MMS22L: variants seen among roughly 807,000 people sequenced by gnomAD.
MMS22L encodes the protein MMS22 like, DNA repair protein, also known as protein MMS22-like.
MMS22L carries 74 observed loss-of-function variants against 159.1 expected under a neutral mutation model. The ratio of observed to expected loss-of-function variants is 0.47; its 90% confidence interval spans 0.39 to 0.56. The LOEUF (loss-of-function observed/expected upper bound fraction) is 0.56, where lower values mean the gene tolerates loss of function less well. MMS22L is among the 20% of genes least tolerant of loss of function. The pLI, the probability that MMS22L is intolerant of heterozygous loss-of-function variation, is 0.00. For synonymous variants in MMS22L, 517 were observed against 506.9 expected (o/e 1.02, Z -0.27); for missense variants, 1,351 against 1,422.1 (o/e 0.95, Z 0.80).
intron 14 of MMS22L, among the ~76,000 whole-genome samples, chr6:97,219,845 A>T (rs1371801023): frequency 1.3e-5 from 2 of 152,126 alleles, no homozygotes; most frequent in Non-Finnish European, 2.9e-5. Context: ...CCCATATATG[A>T]TGCTCTTTAA....
intron 13 of MMS22L, 44 bp from the exon 14 acceptor site, chr6:97,229,447 C>T: frequency 7.3e-7 from 1 of 1,363,140 alleles, no homozygotes; most frequent in Non-Finnish European, 9.8e-7. Context: ...GTTTCATTCA[C>T]AAAAATCTGT....
intron 14 of MMS22L, among the ~76,000 whole-genome samples, chr6:97,198,325 C>T (rs1266767980): frequency 6.6e-6 from 1 of 152,124 alleles, no homozygotes; most frequent in African/African-American, 2.4e-5. Flanking sequence ...GTTCTAGTCT[C>T]GGCCTTTAGT....
intron 19 of MMS22L, among the ~76,000 whole-genome samples, chr6:97,171,623 T>C (rs1001769740): frequency 1.7e-4 from 26 of 152,198 alleles, no homozygotes; most frequent in African/African-American, 5.5e-4. Context: ...ACAGATGCCT[T>C]CTCCTTAATA....
chr6:97,163,722 T>C (rs1802679596), intron 21 of MMS22L, among the ~76,000 whole-genome samples: 1 of 151,958 alleles, frequency 6.6e-6, no homozygotes, highest in Non-Finnish European at 1.5e-5. Flanking sequence ...GCATATGATT[T>C]CAAAAAAGGA....
intron 14 of MMS22L, among the ~76,000 whole-genome samples, chr6:97,196,413 T>A (rs919109121): frequency 5.9e-5 from 9 of 152,194 alleles, no homozygotes; most frequent in Admixed American, 5.9e-4. Flanking sequence ...CAGTGTGGTA[T>A]TACTAGTAGA....
At chr6:97,192,164 A>AGACG (rs1562441047) in intron 14 of MMS22L, among the ~76,000 whole-genome samples, 1 of 133,430 alleles carries the variant, frequency 7.5e-6, no homozygotes, top group African/African-American at 3.1e-5. Context: ...AGTAGGTGGT[A>AGACG]GACGGATGGA....
intron 8 of MMS22L, chr6:97,266,424 T>C (rs999354526): frequency 1.3e-5 from 2 of 152,220 alleles, no homozygotes; most frequent in African/African-American, 4.8e-5. Flanking sequence ...AAATTGTCCA[T>C]CAACAGATGA....
intron 4 of MMS22L, among the ~76,000 whole-genome samples, chr6:97,273,782 A>G (rs1429731696): frequency 6.6e-6 from 1 of 152,144 alleles, no homozygotes; most frequent in Non-Finnish European, 1.5e-5. Context: ...ATACATTGAA[A>G]CTATCCATTT....
At chr6:97,255,134 G>A (rs73494500) in intron 9 of MMS22L, among the ~76,000 whole-genome samples, 12,866 of 151,920 alleles carry the variant, frequency 0.085, 1,020 homozygotes, top group African/African-American at 0.21. Context: ...TCAATGCTGC[G>A]TTTCTGATGA....
At chr6:97,226,752 A>G (rs1251847038) in intron 14 of MMS22L, among the ~76,000 whole-genome samples, 1 of 152,128 alleles carries the variant, frequency 6.6e-6, no homozygotes, top group Non-Finnish European at 1.5e-5. Flanking sequence ...GGTTCTATAG[A>G]AACAATTTTA....
chr6:97,245,974 C>A, intron 11 of MMS22L: 4 of 226,398 alleles, frequency 1.8e-5, no homozygotes, highest in Admixed American at 5.4e-5. Context: ...AAAATATTTC[C>A]CAAATTCCAA....
chr6:97,165,275 A>G lies in MMS22L; in HGVS notation c.3192T>C (p.Ser1064=), dbSNP rs1562406223. The change falls in exon 21 of 25, where the codon TCT becomes TCC. Residue 1064 remains serine, a synonymous_variant. Coordinates refer to ENST00000683635, the MANE Select transcript of MMS22L (RefSeq NM_001350599.2). ...RNTATIPPIS[S]LKKCIVQVIR... ...TGACTTGCACAATGCATTTCTTTAG[A>G]GATGATATTGGTGGAATAGTGGCTG... 1 of 1,613,174 alleles carries G rather than the reference A, an allele frequency of 6.2e-7. No homozygotes were observed.
chr6:97,188,453 A>T (rs1805482484), intron 14 of MMS22L, among the ~76,000 whole-genome samples: 1 of 152,224 alleles, frequency 6.6e-6, no homozygotes, highest in Non-Finnish European at 1.5e-5. Context: ...AAATCGGAAC[A>T]ACTCTATGAG....
intron 11 of MMS22L, among the ~76,000 whole-genome samples, chr6:97,234,394 T>C (rs1811181503): frequency 2.0e-5 from 3 of 152,180 alleles, no homozygotes; most frequent in African/African-American, 7.2e-5. Flanking sequence ...TATAGGATTA[T>C]AGGAGTTGTT....
intron 22 of MMS22L, among the ~76,000 whole-genome samples, chr6:97,158,167 C>A (rs1488065530): frequency 3.3e-5 from 5 of 151,952 alleles, no homozygotes; most frequent in Admixed American, 3.3e-4. Context: ...GTGGTGATAA[C>A]CCCTTTATCA....
At chr6:97,237,713 C>G (rs1811566451) in intron 11 of MMS22L, among the ~76,000 whole-genome samples, 1 of 152,040 alleles carries the variant, frequency 6.6e-6, no homozygotes, top group Non-Finnish European at 1.5e-5. Context: ...TAGGGAAAGA[C>G]ATTTAGCTTC....
At chr6:97,270,054 G>T in intron 6 of MMS22L, 62 bp from the exon 7 acceptor site, 1 of 1,292,554 alleles carries the variant, frequency 7.7e-7, no homozygotes, top group Non-Finnish European at 1.1e-6. Context: ...GTATTTCATA[G>T]CATGTCACAA....
At position 97,144,105 on chromosome 6, in the gene MMS22L, C is replaced by CAAAA. The variant is rs34856577; in HGVS notation, c.*2697_*2700dup. 5.4e-4 allele frequency: 47 copies of CAAAA among 87,166 alleles called. No homozygotes were observed. The highest frequency in any genetic ancestry group is 8.0e-4 in the East Asian group (2 of 2,496). 5.4% of individuals were successfully genotyped at this position (87,166 alleles called of 1,614,324 possible). On this transcript the variant is annotated 3_prime_UTR_variant, in exon 25 of 25. Transcript: ENST00000683635. Reference sequence around the variant, plus strand: ...CTCAAAACAACAACAACAACAACAACAAAAAAAAAAAAAAAAAAAAAAAGA... The same window carrying CAAAA: ...CTCAAAACAACAACAACAACAACAACAAAAAAAAAAAAAAAAAAAAAAAAAAAGA...
In MMS22L at chr6:97,165,445, C is replaced by G. The variant is rs138542381; in HGVS notation, c.3022G>C (p.Val1008Leu). 1 of 1,612,088 alleles carries G rather than the reference C, an allele frequency of 6.2e-7. No individual in the cohort carries two copies. The highest frequency in any genetic ancestry group is 8.5e-7 in the Non-Finnish European group (1 of 1,179,204). The stretch of plus-strand genomic sequence containing the variant: ...TTCGGATTTTGAGATTGACAACACA[C>G]GATACACATGCCCTACAAGGAAAAA... ...LPLYLQGMCI[V>L]CCQSQNPNAY... The change falls in exon 21 of 25, where the codon GTG becomes CTG. Residue 1008 changes from valine (V) to leucine (L), a missense_variant. Coordinates refer to ENST00000683635, the MANE Select transcript of MMS22L (RefSeq NM_001350599.2).
Sources: gnomAD v4.1 joint callset for allele counts (sites outside exome capture counted in the v4.1 genomes callset) on GRCh38, gnomAD v4.1.1 for gene constraint, MANE v1.5 for transcripts, NCBI Gene and HGNC (gene_info 2026-07-23, HGNC 2026-07-21) for gene names.